SPATA21: variants seen among roughly 807,000 people sequenced by gnomAD.
The protein encoded by SPATA21 is spermatogenesis associated 21, also known as spermatogenesis-associated protein 21.
Under a neutral mutation model 54.8 loss-of-function variants are expected in SPATA21, and 47 were observed. The observed-to-expected ratio is 0.86, with a 90% CI of 0.68 to 1.09. The LOEUF (loss-of-function observed/expected upper bound fraction) is 1.09. Among genes scored for constraint, SPATA21 ranks in the 50% least tolerant of loss-of-function variants. The pLI, the probability that SPATA21 is intolerant of heterozygous loss-of-function variation, is 0.00. For synonymous variants in SPATA21, 245 were observed against 235.3 expected (o/e 1.04, Z -0.38); for missense variants, 599 against 596.4 (o/e 1.00, Z -0.05).
chr1:16,419,661 T>G (rs1252081401), intron 5 of SPATA21, among the ~76,000 whole-genome samples: 1 of 152,184 alleles, frequency 6.6e-6, no homozygotes, highest in Non-Finnish European at 1.5e-5. Flanking sequence ...GGTCTATGGC[T>G]GGGCATGGTG....
rs199630533 is a variant in SPATA21 at position 16,399,402 on chromosome 1, G to C, written c.1294C>G (p.Pro432Ala). 5.0e-6 allele frequency: 8 copies of C among 1,613,926 alleles called. No individual in the cohort carries two copies. The East Asian group carries it at 1.8e-4, about 36-fold the overall frequency. ...CTGCGGATGTCAGGATCCAGGCCAGGGGGTGTGCACTGGTCTAGTGCATAG... is the reference window on the plus strand; with the variant it reads ...CTGCGGATGTCAGGATCCAGGCCAGCGGGTGTGCACTGGTCTAGTGCATAG... The part of the protein sequence containing the change: ...NHYALDQCTP[P>A]GLDPDIRSPF... Residue 432 changes from proline to alanine, a missense_variant, in exon 12 of 13, where the codon CCT (proline) becomes GCT (alanine). Pro to Ala is a conservative substitution (Grantham distance 27). Transcript: ENST00000335496.
chr1:16,428,111 C>T lies in SPATA21; in HGVS notation c.34+3227G>A, dbSNP rs2100890124. 1 of 1,437,628 alleles carries T rather than the reference C, an allele frequency of 7.0e-7. No individual in the cohort carries two copies. The highest frequency in any genetic ancestry group is 1.4e-5 in the African/African-American group (1 of 71,336). The allele number at this position is 1,437,628 out of a possible 1,614,324, so 89.1% of individuals were successfully genotyped here. ...ACTCCTCCCTGGGTACTCTTCTGGC[C>T]TCAAGGACAGGGAGATCCTGTGCCT... On this transcript the variant is annotated intron_variant, in intron 3 of 12. Coordinates refer to ENST00000335496, the MANE Select transcript of SPATA21 (RefSeq NM_198546.1). The surrounding 1 kb of genome is among the most constrained non-coding windows in gnomAD (Gnocchi z 4.3).
In SPATA21 at chr1:16,428,045, G is replaced by A. The variant is rs1046270395; in HGVS notation, c.34+3293C>T. On this transcript the variant is annotated intron_variant, in intron 3 of 12. Coordinates refer to ENST00000335496, the MANE Select transcript of SPATA21 (RefSeq NM_198546.1). The surrounding 1 kb of genome is among the most constrained non-coding windows in gnomAD (Gnocchi z 4.3). ...ACAGAGATATCCATGGCAGTGGCTT[G>A]AGGGCTGGCATTGAGTACCCGTTCT... 3.3e-6 allele frequency: 5 copies of A among 1,532,910 alleles called. No homozygotes were observed. In the African/African-American group the frequency reaches 5.5e-5, roughly 17 times the overall value. The allele number at this position is 1,532,910 out of a possible 1,614,324, so 95.0% of individuals were successfully genotyped here. A position where few individuals can be genotyped will look rare whatever the true frequency, so the allele number is the denominator to read the frequency against.
At chr1:16,433,588 T>C (rs564735014) in intron 1 of SPATA21, among the ~76,000 whole-genome samples, 17 of 152,286 alleles carry the variant, frequency 1.1e-4, no homozygotes, top group Non-Finnish European at 2.4e-4. Flanking sequence ...TGCCTGAGAA[T>C]GTGCAGGCTC....
chr1:16,410,590 TA>T (rs2085811803), intron 5 of SPATA21, among the ~76,000 whole-genome samples: 1 of 152,198 alleles, frequency 6.6e-6, no homozygotes, highest in South Asian at 2.1e-4. Flanking sequence ...TTTATATTTT[TA>T]GCAGAGATGG....
At chr1:16,425,772 G>A in intron 3 of SPATA21, 1 of 1,516,438 alleles carries the variant, frequency 6.6e-7, no homozygotes, top group Non-Finnish European at 8.9e-7. Context: ...CTCCCAGACT[G>A]GGGCACTGTT....
chr1:16,400,069 C>T (rs982432054), intron 11 of SPATA21, among the ~76,000 whole-genome samples: 6 of 152,076 alleles, frequency 3.9e-5, no homozygotes, highest in African/African-American at 1.4e-4. Context: ...TCTTGTCCCC[C>T]AGGCTGGAGT....
chr1:16,405,097 G>A lies in SPATA21; in HGVS notation c.681C>T (p.Arg227=). 1 of 1,609,336 alleles carries A rather than the reference G, an allele frequency of 6.2e-7. No homozygotes were observed. The highest frequency in any genetic ancestry group is 8.5e-7 in the Non-Finnish European group (1 of 1,178,234). ...QLTLKQEEAF[R]SYFEIFNGPG... ...GACCATTGAAGATCTCAAAGTAGCT[G>A]CGGAAGGCTGTGGGGAGGGCAGGGT... The change falls in exon 8 of 13, where the codon CGC becomes CGT. Residue 227 remains arginine, a synonymous_variant. Transcript: ENST00000335496.
chr1:16,405,502 A>AAAC, intron 7 of SPATA21, among the ~76,000 whole-genome samples: 1 of 148,670 alleles, frequency 6.7e-6, no homozygotes, highest in African/African-American at 2.5e-5. Flanking sequence ...TGAAAAAAAA[A>AAAC]AAAAAAAAAA....
chr1:16,428,025 G>C lies in SPATA21; in HGVS notation c.34+3313C>G. On this transcript the variant is annotated intron_variant, in intron 3 of 12. Transcript: ENST00000335496. This position sits in a 1 kb window ranked among gnomAD's most constrained non-coding sequence, Gnocchi z 4.3. Reference sequence around the variant, plus strand: ...CATCCGGAAACATGACCTGGACAGAGATATCCATGGCAGTGGCTTGAGGGC... The same window carrying C: ...CATCCGGAAACATGACCTGGACAGACATATCCATGGCAGTGGCTTGAGGGC... The C allele has an allele frequency of 6.5e-7, 1 of 1,543,658 alleles. No individual in the cohort carries two copies. The highest frequency in any genetic ancestry group is 8.8e-7 in the Non-Finnish European group (1 of 1,141,474).
chr1:16,400,701 C>T lies in SPATA21; in HGVS notation c.1174+19G>A. On this transcript the variant is annotated intron_variant, in intron 11 of 12. Transcript: ENST00000335496. The stretch of plus-strand genomic sequence containing the variant: ...AAAGCCCCAACCCTAGCCCATCCCA[C>T]CCTGCCCAGGGCCCTCACCATAGTT... 1 of 1,601,336 alleles carries T rather than the reference C, an allele frequency of 6.2e-7. No individual in the cohort carries two copies. Among genetic ancestry groups the T allele is most frequent in the Non-Finnish European group, 8.5e-7 (1 of 1,171,658 alleles).
rs150371527 is a variant in SPATA21, at chr1:16,400,365, G to A, written c.1174+355C>T. 1.9e-5 allele frequency: 15 copies of A among 806,490 alleles called. No individual in the cohort carries two copies. In the East Asian group the frequency reaches 1.7e-3, roughly 91 times the overall value. 50.0% of individuals were successfully genotyped at this position (806,490 alleles called of 1,614,324 possible). A position where few individuals can be genotyped will look rare whatever the true frequency, so the allele number is the denominator to read the frequency against. On this transcript the variant is annotated intron_variant, in intron 11 of 12. Transcript: ENST00000335496. ...AAATGGGGTAAATACATGATTATGA[G>A]TATTAAATTCTAGAGCATCTGCAAA... is the stretch of plus-strand genomic sequence containing the variant.
At position 16,421,786 on chromosome 1, in the gene SPATA21, G is replaced by T. The variant is rs1354984853; in HGVS notation, c.95+125C>A. The T allele has an allele frequency of 7.0e-7, 1 of 1,431,354 alleles. No individual in the cohort carries two copies. Among genetic ancestry groups the T allele is most frequent in the Non-Finnish European group, 9.8e-7 (1 of 1,024,832 alleles). 88.7% of individuals were successfully genotyped at this position (1,431,354 alleles called of 1,614,324 possible). ...CAGATGGGGAAATTGAGACCCAGCG[G>T]AGCATGACTTGCCCAAGGTCCTCTA... On this transcript the variant is annotated intron_variant, in intron 4 of 12. Coordinates refer to ENST00000335496, the MANE Select transcript of SPATA21 (RefSeq NM_198546.1). The surrounding 1 kb of genome is among the most constrained non-coding windows in gnomAD (Gnocchi z 5.2).
intron 3 of SPATA21, chr1:16,425,577 C>T: frequency 5.2e-6 from 8 of 1,550,006 alleles, no homozygotes; most frequent in Non-Finnish European, 7.0e-6. Context: ...CGTTGCCTCC[C>T]CTGCTGGCCC....
intron 7 of SPATA21, among the ~76,000 whole-genome samples, chr1:16,405,330 T>G (rs1404436465): frequency 2.6e-5 from 4 of 151,850 alleles, no homozygotes; most frequent in Non-Finnish European, 5.9e-5. Flanking sequence ...GGTGAAACCC[T>G]ATCTCTACTA....
At chr1:16,419,872 A>G (rs1248606016) in intron 5 of SPATA21, among the ~76,000 whole-genome samples, 1 of 152,168 alleles carries the variant, frequency 6.6e-6, no homozygotes, top group Non-Finnish European at 1.5e-5. Context: ...CCTCAGAGAC[A>G]GAGGTTGCAG....
At position 16,401,522 on chromosome 1, in the gene SPATA21, C is replaced by A. The variant is rs1199217025; in HGVS notation, c.1002-630G>T. Among the ~76,000 whole-genome samples the A allele has an allele frequency of 2.0e-5, 3 of 152,172 alleles. No individual in the cohort carries two copies. The East Asian group carries it at 5.8e-4, about 29-fold the overall frequency. The stretch of plus-strand genomic sequence containing the variant: ...TGTTGCCCAGGCTGGTCACAAACTC[C>A]TTGCCTCAAGCAATCCTTACACCTT... On this transcript the variant is annotated intron_variant, in intron 10 of 12. Coordinates refer to ENST00000335496, the MANE Select transcript of SPATA21 (RefSeq NM_198546.1).
intron 7 of SPATA21, chr1:16,408,362 G>C: frequency 1.7e-6 from 1 of 585,916 alleles, no homozygotes; most frequent in Non-Finnish European, 2.2e-6. Context: ...ACATGTTTAG[G>C]CTGGTGGCCT....
Position 16,421,395 on chromosome 1 carries a change from G to C in SPATA21, c.144+114C>G. The C allele has an allele frequency of 9.5e-7, 1 of 1,049,642 alleles. No homozygotes were observed. The allele number at this position is 1,049,642 out of a possible 1,614,324, so 65.0% of individuals were successfully genotyped here. On this transcript the variant is annotated intron_variant, in intron 5 of 12. Transcript: ENST00000335496. This position sits in a 1 kb window ranked among gnomAD's most constrained non-coding sequence, Gnocchi z 5.2. ...CAGCCACACACACCTTCCTTGGTTTGACTCCAAATAGGGGTTTGACGTGCC... is the reference window on the plus strand; with the variant it reads ...CAGCCACACACACCTTCCTTGGTTTCACTCCAAATAGGGGTTTGACGTGCC...
Sources: allele counts gnomAD v4.1 joint callset (sites outside exome capture counted in the v4.1 genomes callset), GRCh38; gene constraint gnomAD v4.1.1; non-coding constraint Gnocchi (gnomAD v3.1); transcripts MANE v1.5; gene names NCBI Gene and HGNC (gene_info 2026-07-23, HGNC 2026-07-21).